CAMSAP2: variants seen among roughly 807,000 people sequenced by gnomAD.
CAMSAP2 encodes calmodulin regulated spectrin associated protein family member 2, also known as calmodulin-regulated spectrin-associated protein 2.
In CAMSAP2, 26 loss-of-function variants were observed where a neutral mutation model predicts 146.1. The ratio of observed to expected loss-of-function variants is 0.18; its 90% confidence interval spans 0.13 to 0.25. CAMSAP2 has a LOEUF of 0.25. CAMSAP2 is among the 10% of genes least tolerant of loss of function. The pLI, the probability that CAMSAP2 is intolerant of heterozygous loss-of-function variation, is 1.00. For synonymous variants in CAMSAP2, 499 were observed against 596.6 expected (o/e 0.84, Z 2.38); for missense variants, 1,381 against 1,759.3 (o/e 0.78, Z 3.85).
intron 6 of CAMSAP2, among the ~76,000 whole-genome samples, chr1:200,840,267 C>G (rs1328238459): frequency 6.6e-6 from 1 of 151,950 alleles, no homozygotes; most frequent in Admixed American, 6.6e-5. Context: ...ACTCTTGATT[C>G]TTCTCTTTTC....
intron 9 of CAMSAP2, 94 bp downstream of exon 9, chr1:200,847,386 T>G (rs988982150): frequency 6.8e-5 from 56 of 823,510 alleles, no homozygotes; most frequent in Admixed American, 1.5e-4. Context: ...ATATCCAGGG[T>G]TTTTTTGTGT....
In CAMSAP2 at chr1:200,848,615, T is replaced by C; in HGVS notation, c.1846T>C (p.Ser616Pro). 1 of 1,614,136 alleles carries C rather than the reference T, an allele frequency of 6.2e-7. No homozygotes were observed. Among genetic ancestry groups the C allele is most frequent in the South Asian group, 1.1e-5 (1 of 91,082 alleles). The stretch of plus-strand genomic sequence containing the variant: ...AGTAGACACTGGAATTCACGTTCCT[T>C]CAGAAGATATTCCTGAAACTATGGA... Reference protein sequence around the residue: ...TEVDTGIHVPSEDIPETMDED... With the variant: ...TEVDTGIHVPPEDIPETMDED... The change falls in exon 11 of 17, where the codon TCA (serine) becomes CCA (proline). Residue 616 changes from serine to proline, a missense_variant. Coordinates refer to ENST00000358823, the MANE Select transcript of CAMSAP2 (RefSeq NM_203459.4).
chr1:200,754,574 CTTTTTTTTTTT>C (rs35219206), intron 1 of CAMSAP2, among the ~76,000 whole-genome samples: 4 of 86,578 alleles, frequency 4.6e-5, no homozygotes, highest in East Asian at 3.7e-4. Context: ...GAAAGAGCTC[CTTTTTTTTTTT>C]TTTTTTTTTT....
chr1:200,789,658 A>G (rs1490767583), intron 2 of CAMSAP2, among the ~76,000 whole-genome samples: 8 of 152,154 alleles, frequency 5.3e-5, no homozygotes, highest in South Asian at 2.1e-4. Flanking sequence ...TTGCCTCTCC[A>G]TGTAAACTTT....
At chr1:200,782,741 G>T (rs897766182) in intron 2 of CAMSAP2, among the ~76,000 whole-genome samples, 1 of 149,184 alleles carries the variant, frequency 6.7e-6, no homozygotes, top group South Asian at 2.1e-4. Flanking sequence ...TAGAAATAAC[G>T]CAGCTATGAT....
In CAMSAP2 at chr1:200,765,103, C is replaced by CA. The variant is rs959639853; in HGVS notation, c.399+4013dup. ...TGGGCAACAGAGTGAGATTCCATCT[C>CA]AAAAAAAACAAAAAAACAAAAAAAC... On this transcript the variant is annotated intron_variant, in intron 2 of 16. Coordinates refer to ENST00000358823, the MANE Select transcript of CAMSAP2 (RefSeq NM_203459.4). 1.3e-4 allele frequency among the ~76,000 whole-genome samples: 19 copies of CA among 150,592 alleles called. No homozygotes were observed. The East Asian group carries it at 1.4e-3, about 11-fold the overall frequency.
At chr1:200,751,579 G>C (rs973937926) in intron 1 of CAMSAP2, among the ~76,000 whole-genome samples, 2 of 148,524 alleles carry the variant, frequency 1.3e-5, no homozygotes, top group Non-Finnish European at 3.0e-5. Context: ...TACAATATGA[G>C]GCTATGGTAA....
chr1:200,746,532 C>T (rs1376553741), intron 1 of CAMSAP2, among the ~76,000 whole-genome samples: 1 of 151,910 alleles, frequency 6.6e-6, no homozygotes, highest in Non-Finnish European at 1.5e-5. Flanking sequence ...TGTGGAAATT[C>T]ATGTATGGAG....
At chr1:200,846,469 A>G (rs1667462694) in intron 8 of CAMSAP2, among the ~76,000 whole-genome samples, 1 of 152,186 alleles carries the variant, frequency 6.6e-6, no homozygotes, top group African/African-American at 2.4e-5. Flanking sequence ...TTTTCCCAGC[A>G]GAAACTCTTT....
chr1:200,761,053 A>T lies in CAMSAP2; in HGVS notation c.354A>T (p.Glu118Asp). The T allele has an allele frequency of 6.2e-7, 1 of 1,605,878 alleles. No homozygotes were observed. The highest frequency in any genetic ancestry group is 8.5e-7 in the Non-Finnish European group (1 of 1,176,004). Residue 118 changes from glutamate to aspartate, a missense_variant, in exon 2 of 17, where the codon GAA (glutamate) becomes GAT (aspartate). Glu to Asp is a conservative substitution (Grantham distance 45). Around this residue, in one of 4 missense-constraint regions of CAMSAP2, gnomAD observed 284 missense variants for 406.9 expected, o/e 0.70. Coordinates refer to ENST00000358823, the MANE Select transcript of CAMSAP2 (RefSeq NM_203459.4). ...AAGGTCTTTATGTCACTGACCAGGAAAAATTGGTAACTGAACGAGATCTCC... is the reference window on the plus strand; with the variant it reads ...AAGGTCTTTATGTCACTGACCAGGATAAATTGGTAACTGAACGAGATCTCC... ...AQKGLYVTDQEKLVTERDLHK... is the reference protein window; with the variant it reads ...AQKGLYVTDQDKLVTERDLHK...
intron 1 of CAMSAP2, among the ~76,000 whole-genome samples, chr1:200,744,749 T>C (rs1571707234): frequency 6.6e-6 from 1 of 152,290 alleles, no homozygotes; most frequent in East Asian, 1.9e-4. Flanking sequence ...AGCTATAGGC[T>C]GAATTGAAAG....
At chr1:200,845,792 C>T (rs1667445760) in intron 8 of CAMSAP2, among the ~76,000 whole-genome samples, 1 of 152,004 alleles carries the variant, frequency 6.6e-6, no homozygotes, top group Admixed American at 6.6e-5. Context: ...CCCTGGGTTA[C>T]AACAATAGAA....
chr1:200,788,854 G>A (rs140750631), intron 2 of CAMSAP2, among the ~76,000 whole-genome samples: 1 of 150,686 alleles, frequency 6.6e-6, no homozygotes, highest in African/African-American at 2.4e-5. Flanking sequence ...GTTTCACTAT[G>A]CTGGCCAGGC....
chr1:200,804,767 G>A (rs1666129370), intron 2 of CAMSAP2, among the ~76,000 whole-genome samples: 1 of 152,208 alleles, frequency 6.6e-6, no homozygotes. Flanking sequence ...CAGTAGCAGT[G>A]TGGAAAATAC....
Position 200,832,203 on chromosome 1 carries a change from C to T in CAMSAP2, c.649C>T (p.Arg217Cys), listed in dbSNP as rs1451569666. 3 of 1,600,026 alleles carry T rather than the reference C, an allele frequency of 1.9e-6. No homozygotes were observed. The highest frequency in any genetic ancestry group is 1.4e-5 in the African/African-American group (1 of 73,950). The change falls in exon 5 of 17, where the codon CGT becomes TGT. Residue 217 changes from arginine (R) to cysteine (C), a missense_variant. Physicochemically the swap from Arg to Cys is radical, Grantham distance 180. Transcript: ENST00000358823. The surrounding 1 kb of genome is among the most constrained non-coding windows in gnomAD (Gnocchi z 4.2). ...TVEAPGGQKA[R>C]YRKEQTLLKQ... ...ATGTATTTTTTTTATATCGTAGGCT[C>T]GTTATCGGAAAGAGCAAACATTGCT...
At chr1:200,787,068 C>T (rs1030391082) in intron 2 of CAMSAP2, among the ~76,000 whole-genome samples, 3 of 151,748 alleles carry the variant, frequency 2.0e-5, no homozygotes, top group Non-Finnish European at 2.9e-5. Context: ...TGACAATGCG[C>T]GTGGTCACCC....
intron 4 of CAMSAP2, among the ~76,000 whole-genome samples, chr1:200,825,311 C>G (rs1666876714): frequency 1.3e-5 from 2 of 152,068 alleles, no homozygotes; most frequent in Admixed American, 6.6e-5. Context: ...TCTCTTCTAC[C>G]CCTTACTTAT....
At chr1:200,818,269 T>A (rs1666660301) in intron 4 of CAMSAP2, among the ~76,000 whole-genome samples, 1 of 152,150 alleles carries the variant, frequency 6.6e-6, no homozygotes. Flanking sequence ...AAAAATGCCA[T>A]TTGTATTTCA....
chr1:200,747,114 G>T (rs1664354890), intron 1 of CAMSAP2, among the ~76,000 whole-genome samples: 1 of 152,046 alleles, frequency 6.6e-6, no homozygotes, highest in Non-Finnish European at 1.5e-5. Flanking sequence ...GCCCAAGCTG[G>T]TCTTGAACTC....
Sources: allele counts gnomAD v4.1 joint callset (sites outside exome capture counted in the v4.1 genomes callset), GRCh38; gene constraint gnomAD v4.1.1; regional missense constraint gnomAD v4.1.1; non-coding constraint Gnocchi (gnomAD v3.1); transcripts MANE v1.5; gene names NCBI Gene and HGNC (gene_info 2026-07-23, HGNC 2026-07-21).